CACNA1E: variants seen among roughly 807,000 people sequenced by gnomAD.
The protein encoded by CACNA1E is calcium voltage-gated channel subunit alpha1 E.
CACNA1E carries 40 observed loss-of-function variants against 259.2 expected under a neutral mutation model. The observed-to-expected ratio is 0.15, with a 90% CI of 0.12 to 0.20. The LOEUF (loss-of-function observed/expected upper bound fraction) is 0.20. CACNA1E is among the 10% of genes least tolerant of loss of function. The pLI is 1.00. For synonymous variants in CACNA1E, 1,104 were observed against 1,138.5 expected (o/e 0.97, Z 0.61); for missense variants, 1,874 against 3,040.1 (o/e 0.62, Z 9.02).
At chr1:181,520,305 A>C (rs1431251515) in intron 3 of CACNA1E, among the ~76,000 whole-genome samples, 1 of 152,212 alleles carries the variant, frequency 6.6e-6, no homozygotes, top group Non-Finnish European at 1.5e-5. Context: ...TGCTATATCT[A>C]GTGTACAGCA....
At chr1:181,538,749 G>C (rs1464000894) in intron 3 of CACNA1E, among the ~76,000 whole-genome samples, 1 of 152,146 alleles carries the variant, frequency 6.6e-6, no homozygotes, top group East Asian at 1.9e-4. Context: ...CATGGGAAAG[G>C]GCATTCAGTC....
intron 6 of CACNA1E, among the ~76,000 whole-genome samples, chr1:181,597,767 A>C (rs1186538643): frequency 6.6e-6 from 1 of 152,212 alleles, no homozygotes; most frequent in Non-Finnish European, 1.5e-5. Flanking sequence ...GGCATGGAGG[A>C]GCAAGTCACA....
chr1:181,765,651 T>C lies in CACNA1E; in HGVS notation c.4816-895T>C, dbSNP rs58985239. Reference sequence around the variant, plus strand: ...TCAATTGATCTCCTGGGATTCATGATGTGCACAATCAAGACAGGGTGGAGA... The same window carrying C: ...TCAATTGATCTCCTGGGATTCATGACGTGCACAATCAAGACAGGGTGGAGA... On this transcript the variant is annotated intron_variant, in intron 34 of 47. Coordinates refer to ENST00000367573, the MANE Select transcript of CACNA1E (RefSeq NM_001205293.3). Among the ~76,000 whole-genome samples the C allele has an allele frequency of 2.6e-3, 399 of 152,354 alleles. 1 individual carries two copies. Among genetic ancestry groups the C allele is most frequent in the African/African-American group, 9.2e-3 (382 of 41,596 alleles).
At chr1:181,716,841 A>G (rs1436805001) in intron 10 of CACNA1E, among the ~76,000 whole-genome samples, 2 of 152,202 alleles carry the variant, frequency 1.3e-5, no homozygotes, top group African/African-American at 4.8e-5. Flanking sequence ...ACACGATCCT[A>G]TTAAGATTCA....
intron 6 of CACNA1E, among the ~76,000 whole-genome samples, chr1:181,599,009 T>C (rs532144308): frequency 4.6e-5 from 7 of 152,214 alleles, no homozygotes; most frequent in Admixed American, 3.9e-4. Context: ...GTTTGTTACA[T>C]AGGTAAACGT....
chr1:181,612,792 A>G (rs1037174377), intron 6 of CACNA1E, among the ~76,000 whole-genome samples: 2 of 152,234 alleles, frequency 1.3e-5, no homozygotes, highest in East Asian at 1.9e-4. Context: ...GAGTACACAT[A>G]TAACTGTCAG....
rs775309185 is a variant in CACNA1E, at chr1:181,794,892, G to A, written c.6056G>A (p.Arg2019His). ...GTGACAGACCCTAGCTCCATGAGAC[G>A]TTCATTTTCCACTATTCGGGATAAG... The part of the protein sequence containing the change: ...QVVTDPSSMR[R>H]SFSTIRDKRS... Residue 2019 changes from arginine to histidine, a missense_variant, in exon 46 of 48, where the codon CGT (arginine) becomes CAT (histidine). Arg to His is a conservative substitution (Grantham distance 29). Around this residue, in one of 14 missense-constraint regions of CACNA1E, gnomAD observed 542 missense variants for 587.2 expected, o/e 0.92. Transcript: ENST00000367573. 17 of 1,613,572 alleles carry A rather than the reference G, an allele frequency of 1.1e-5. No individual in the cohort carries two copies. In the Admixed American group the frequency reaches 1.5e-4, roughly 14 times the overall value.
intron 1 of CACNA1E, among the ~76,000 whole-genome samples, chr1:181,397,771 C>T (rs569385072): frequency 6.6e-6 from 1 of 152,216 alleles, no homozygotes; most frequent in Non-Finnish European, 1.5e-5. Context: ...CTGAGCTCCG[C>T]AGCCCTGGGG....
intron 11 of CACNA1E, 89 bp from the exon 12 acceptor site, chr1:181,717,966 T>G: frequency 2.5e-5 from 17 of 667,590 alleles, no homozygotes; most frequent in Middle Eastern, 2.8e-4. Flanking sequence ...TGTGTTGTTG[T>G]GAGATCCTCT....
chr1:181,411,636 G>A (rs933252730), intron 1 of CACNA1E, among the ~76,000 whole-genome samples: 4 of 152,028 alleles, frequency 2.6e-5, no homozygotes, highest in Non-Finnish European at 5.9e-5. Context: ...TTGGGATGGA[G>A]TCTTGTTCTG....
At chr1:181,755,120 C>G in intron 27 of CACNA1E, 117 bp from the exon 28 acceptor site, 1 of 736,566 alleles carries the variant, frequency 1.4e-6, no homozygotes, top group Non-Finnish European at 2.1e-6. Flanking sequence ...AGGAAATTCT[C>G]TCCTGGGACA....
intron 2 of CACNA1E, among the ~76,000 whole-genome samples, chr1:181,474,545 A>G (rs1435509416): frequency 1.3e-5 from 2 of 149,708 alleles, no homozygotes; most frequent in Admixed American, 1.3e-4. Context: ...GTGAGATCAC[A>G]TCAGAATCTA....
chr1:181,412,593 G>T lies in CACNA1E; in HGVS notation c.-14-540G>T, dbSNP rs190064580. On this transcript the variant is annotated intron_variant, in intron 1 of 11. Transcript: ENST00000524607. ...AAAAAAAAGGAGAGACCACCTTGTG[G>T]CTTGGTGCCCCCAGGCACGCACTTG... Among the ~76,000 whole-genome samples, 10 of 152,002 alleles carry T rather than the reference G, an allele frequency of 6.6e-5. No individual in the cohort carries two copies. The East Asian group carries it at 1.7e-3, about 27-fold the overall frequency.
At chr1:181,508,620 T>C (rs1004736808) in intron 1 of CACNA1E, among the ~76,000 whole-genome samples, 1 of 152,116 alleles carries the variant, frequency 6.6e-6, no homozygotes, top group Non-Finnish European at 1.5e-5. Context: ...GTTACAGCCA[T>C]GATGGGAGGG....
At chr1:181,347,237 C>G (rs553880668) in intron 1 of CACNA1E, among the ~76,000 whole-genome samples, 2 of 152,164 alleles carry the variant, frequency 1.3e-5, no homozygotes, top group Non-Finnish European at 2.9e-5. Context: ...TGTTTCGCTT[C>G]TAACCTGATT....
intron 2 of CACNA1E, among the ~76,000 whole-genome samples, chr1:181,423,439 A>G (rs1658910488): frequency 3.9e-5 from 6 of 152,192 alleles, no homozygotes; most frequent in Admixed American, 3.9e-4. Context: ...TGTGAAGGTC[A>G]GTGGACTGTG....
chr1:181,326,050 G>C (rs1650763358), intron 1 of CACNA1E, among the ~76,000 whole-genome samples: 1 of 152,174 alleles, frequency 6.6e-6, no homozygotes, highest in South Asian at 2.1e-4. Context: ...AAATCTTGGA[G>C]GATTTGTCCA....
chr1:181,373,654 C>A (rs1654871029), intron 1 of CACNA1E, among the ~76,000 whole-genome samples: 1 of 151,536 alleles, frequency 6.6e-6, no homozygotes, highest in South Asian at 2.1e-4. Flanking sequence ...TCTCCTGCCT[C>A]AGCCTCCCAA....
intron 34 of CACNA1E, 105 bp downstream of exon 34, chr1:181,763,636 GC>G (rs1327483375): frequency 3.7e-6 from 3 of 821,558 alleles, no homozygotes; most frequent in Non-Finnish European, 5.2e-6. Flanking sequence ...GGAAGCTGAA[GC>G]TAGTAGAACG....
Sources: allele counts gnomAD v4.1 joint callset (sites outside exome capture counted in the v4.1 genomes callset), GRCh38; gene constraint gnomAD v4.1.1; regional missense constraint gnomAD v4.1.1; transcripts MANE v1.5; gene names NCBI Gene and HGNC (gene_info 2026-07-23, HGNC 2026-07-21).